IARS2: variants seen among roughly 807,000 people sequenced by gnomAD.
IARS2 encodes the protein isoleucine--tRNA ligase, mitochondrial.
In IARS2, 56 loss-of-function variants were observed where a neutral mutation model predicts 126.3. The observed-to-expected ratio is 0.44, with a 90% CI of 0.36 to 0.55. The LOEUF is 0.55. Ranked by LOEUF, IARS2 falls within the 20% of genes least tolerant of loss-of-function variation. IARS2 has a pLI of 0.00. For synonymous variants in IARS2, 407 were observed against 441.1 expected (o/e 0.92, Z 0.97); for missense variants, 1,127 against 1,245.9 (o/e 0.90, Z 1.44).
chr1:220,125,050 G>GT (rs1284703023), intron 12 of IARS2, among the ~76,000 whole-genome samples, 187 bp from the exon 13 acceptor site: 1 of 152,048 alleles, frequency 6.6e-6, no homozygotes, highest in Non-Finnish European at 1.5e-5. Context: ...GGAAACAGAT[G>GT]TTTTTTCTTT....
intron 12 of IARS2, among the ~76,000 whole-genome samples, chr1:220,114,914 A>C (rs1323428234): frequency 1.3e-5 from 2 of 151,518 alleles, no homozygotes; most frequent in Non-Finnish European, 2.9e-5. Flanking sequence ...ACATGATTAC[A>C]CTGATGATTA....
rs1391545863 is a variant in IARS2, at chr1:220,094,174, T to A, written c.-43T>A. The stretch of plus-strand genomic sequence containing the variant: ...TTCCTGGGGTCCTGCCCCTTCAAGC[T>A]GGGGCGGGAGCGGAGGACCCCGCTC... On this transcript the variant is annotated 5_prime_UTR_variant, in exon 1 of 23. Coordinates refer to ENST00000366922, the MANE Select transcript of IARS2 (RefSeq NM_018060.4). 36 of 1,500,176 alleles carry A rather than the reference T, an allele frequency of 2.4e-5. No individual in the cohort carries two copies. Among genetic ancestry groups the A allele is most frequent in the Non-Finnish European group, 3.2e-5 (36 of 1,129,640 alleles). The allele number at this position is 1,500,176 out of a possible 1,614,324, so 92.9% of individuals were successfully genotyped here.
At chr1:220,110,622 G>A (rs1448151647) in intron 10 of IARS2, among the ~76,000 whole-genome samples, 164 bp from the exon 11 acceptor site, 2 of 152,014 alleles carry the variant, frequency 1.3e-5, no homozygotes, top group East Asian at 1.9e-4. Flanking sequence ...CCTCAGCCTC[G>A]CAAAGTGCTG....
At chr1:220,108,147 GC>G (rs1295765467) in intron 10 of IARS2, among the ~76,000 whole-genome samples, 1 of 151,586 alleles carries the variant, frequency 6.6e-6, no homozygotes, top group African/African-American at 2.4e-5. Context: ...TGCAACCTCT[GC>G]CTCCTGGGTT....
intron 9 of IARS2, 47 bp from the exon 10 acceptor site, chr1:220,107,014 A>G (rs1431653035): frequency 1.7e-6 from 2 of 1,188,982 alleles, no homozygotes; most frequent in South Asian, 2.4e-5. Flanking sequence ...TATTGTCATA[A>G]GAGAAAATGT....
Position 220,126,750 on chromosome 1 carries a change from G to T in IARS2, c.1744G>T (p.Val582Phe). ...ACATGCTTTTGCATTATCTTACTAG[G>T]TTGGTGGCCCTGATGCCTTGGAATA... Reference protein sequence around the residue: ...QLLPKEVLSEVGGPDALEYVP... With the variant: ...QLLPKEVLSEFGGPDALEYVP... Residue 582 changes from valine (V) to phenylalanine (F), a missense_variant and splice_region_variant, in exon 14 of 23, where the codon GTT becomes TTT. Physicochemically the swap from Val to Phe is conservative, Grantham distance 50. Coordinates refer to ENST00000366922, the MANE Select transcript of IARS2 (RefSeq NM_018060.4). The T allele has an allele frequency of 3.7e-6, 6 of 1,611,160 alleles. No individual in the cohort carries two copies. The highest frequency in any genetic ancestry group is 5.1e-6 in the Non-Finnish European group (6 of 1,178,146).
rs1252169705 is a variant in IARS2 at position 220,112,414 on chromosome 1, G to A, written c.1479+1477G>A. Among the ~76,000 whole-genome samples the A allele has an allele frequency of 1.8e-4, 11 of 61,682 alleles. 4 individuals carry two copies. In the Admixed American group the frequency reaches 1.8e-3, roughly 10 times the overall value. The allele number at this position is 61,682 out of a possible 152,430, so 40.5% of individuals were successfully genotyped here. The stretch of plus-strand genomic sequence containing the variant: ...CTCCCAAAGTGCTGGGATTACAGGC[G>A]TGAGCCACCGCGCCCGGCCCGACCA... On this transcript the variant is annotated intron_variant, in intron 11 of 22. Transcript: ENST00000366922.
At chr1:220,115,000 A>G (rs1055425288) in intron 12 of IARS2, among the ~76,000 whole-genome samples, 3 of 151,930 alleles carry the variant, frequency 2.0e-5, no homozygotes, top group Admixed American at 2.0e-4. Context: ...TTCATAGTAG[A>G]AAAGCTTGTA....
At chr1:220,140,378 G>A (rs1657461629) in intron 19 of IARS2, 89 bp downstream of exon 19, 2 of 775,818 alleles carry the variant, frequency 2.6e-6, no homozygotes, top group South Asian at 1.5e-5. Context: ...GGCCGAGGCG[G>A]GTGGATGACA....
At chr1:220,142,318 G>A (rs73098530) in intron 20 of IARS2, among the ~76,000 whole-genome samples, 7,371 of 152,220 alleles carry the variant, frequency 0.048, 200 homozygotes, top group African/African-American at 0.072. Flanking sequence ...GGCCAACATG[G>A]CGAAACCCCA....
In IARS2 at chr1:220,101,267, A is replaced by G. The variant is rs373053613; in HGVS notation, c.550+618A>G. Among the ~76,000 whole-genome samples the G allele has an allele frequency of 3.3e-5, 5 of 152,382 alleles. No homozygotes were observed. The East Asian group carries it at 7.7e-4, about 23-fold the overall frequency. On this transcript the variant is annotated intron_variant, in intron 3 of 22. Coordinates refer to ENST00000366922, the MANE Select transcript of IARS2 (RefSeq NM_018060.4). ...TTTTTCCAGTTTATTTGTCCTAAATATGAGGTCATTGTATAAAGTCTGGAA... is the reference window on the plus strand; with the variant it reads ...TTTTTCCAGTTTATTTGTCCTAAATGTGAGGTCATTGTATAAAGTCTGGAA...
intron 8 of IARS2, among the ~76,000 whole-genome samples, 177 bp from the exon 9 acceptor site, chr1:220,105,714 A>T (rs1458866465): frequency 6.6e-6 from 1 of 152,230 alleles, no homozygotes; most frequent in Non-Finnish European, 1.5e-5. Flanking sequence ...AACCATAATT[A>T]TCTGCATTTT....
At chr1:220,137,202 G>C (rs528374515) in intron 16 of IARS2, among the ~76,000 whole-genome samples, 1 of 152,192 alleles carries the variant, frequency 6.6e-6, no homozygotes, top group Admixed American at 6.5e-5. Flanking sequence ...TTGGGTTTTC[G>C]CACTATTGTG....
Position 220,094,416 on chromosome 1 carries a change from C to T in IARS2, c.200C>T (p.Pro67Leu). 1 of 1,611,844 alleles carries T rather than the reference C, an allele frequency of 6.2e-7. No individual in the cohort carries two copies. Among genetic ancestry groups the T allele is most frequent in the South Asian group, 1.1e-5 (1 of 91,008 alleles). ...AGATACCGGGACACGGTGCTGCTGCCGCAGACGAGCTTCCCCATGAAGCTG... is the reference window on the plus strand; with the variant it reads ...AGATACCGGGACACGGTGCTGCTGCTGCAGACGAGCTTCCCCATGAAGCTG... The part of the protein sequence containing the change: ...SGRYRDTVLL[P>L]QTSFPMKLLG... The change falls in exon 1 of 23, where the codon CCG becomes CTG. Residue 67 changes from proline to leucine, a missense_variant. By Grantham distance (98) the Pro-to-Leu change is moderately conservative (BLOSUM62 -3). Transcript: ENST00000366922.
intron 12 of IARS2, chr1:220,117,752 T>A: frequency 4.7e-6 from 2 of 428,898 alleles, no homozygotes; most frequent in Non-Finnish European, 9.2e-6. Context: ...TTAGGTATAT[T>A]TATGTTTTAT....
rs939709616 is a variant in IARS2, at chr1:220,114,374, A to T, written c.1540A>T (p.Met514Leu). ...GSALNGMVEM[M>L]DRRPYWCISR... ...AGCACTGAATGGCATGGTTGAAATG[A>T]TGGACAGGCGGCCATATTGGTGTAT... Residue 514 changes from methionine (M) to leucine (L), a missense_variant, in exon 12 of 23, where the codon ATG (methionine) becomes TTG (leucine). Physicochemically the swap from Met to Leu is conservative, Grantham distance 15. Transcript: ENST00000366922. 1.2e-6 allele frequency: 2 copies of T among 1,613,882 alleles called. No individual in the cohort carries two copies. The highest frequency in any genetic ancestry group is 1.7e-6 in the Non-Finnish European group (2 of 1,179,866).
rs542751556 is a variant in IARS2 at position 220,118,604 on chromosome 1, G to A, written c.1640+4130G>A. ...GTAGAAACACTGGCTACCTGGGAAGGAAAAGAAGTTGGTTAAATTTCTTTC... is the reference window on the plus strand; with the variant it reads ...GTAGAAACACTGGCTACCTGGGAAGAAAAAGAAGTTGGTTAAATTTCTTTC... On this transcript the variant is annotated intron_variant, in intron 12 of 22. Transcript: ENST00000366922. Among the ~76,000 whole-genome samples the A allele has an allele frequency of 1.3e-4, 20 of 152,162 alleles. No homozygotes were observed. The South Asian group carries it at 3.9e-3, about 30-fold the overall frequency.
chr1:220,131,947 A>T (rs529998760), intron 14 of IARS2, among the ~76,000 whole-genome samples: 53 of 151,410 alleles, frequency 3.5e-4, no homozygotes, highest in African/African-American at 1.3e-3. Flanking sequence ...ACAGGCATCC[A>T]CCACCATGCC....
Position 220,140,282 on chromosome 1 carries a change from A to G in IARS2, c.2407A>G (p.Lys803Glu). Residue 803 changes from lysine to glutamate, a missense_variant, in exon 19 of 23, where the codon AAA becomes GAA. Coordinates refer to ENST00000366922, the MANE Select transcript of IARS2 (RefSeq NM_018060.4). ...CTCTAACTTTTATTTCAGTATAATC[A>G]AAGATAGGTATGTATGACTAAATAT... The part of the protein sequence containing the change: ...ELSNFYFSII[K>E]DRLYCEKEND... The G allele has an allele frequency of 6.4e-7, 1 of 1,565,328 alleles. No homozygotes were observed. Among genetic ancestry groups the G allele is most frequent in the Non-Finnish European group, 8.8e-7 (1 of 1,135,968 alleles).
Sources: gnomAD v4.1 joint callset for allele counts (sites outside exome capture counted in the v4.1 genomes callset) on GRCh38, gnomAD v4.1.1 for gene constraint, MANE v1.5 for transcripts, NCBI Gene and HGNC (gene_info 2026-07-23, HGNC 2026-07-21) for gene names.